PCDH7: variants seen among roughly 807,000 people sequenced by gnomAD.
PCDH7 encodes protocadherin-7.
A neutral mutation model predicts 58.9 loss-of-function variants in PCDH7; 17 were observed. The ratio of observed to expected loss-of-function variants is 0.29; its 90% CI spans 0.20 to 0.43. The LOEUF is 0.43. Among genes scored for constraint, PCDH7 ranks in the 20% least tolerant of loss-of-function variants. The pLI is 1.00. For missense variants in PCDH7, 1,274 were observed against 1,441.0 expected, an observed-to-expected ratio of 0.88 and a Z score of 1.88; for synonymous variants, 664 against 616.4, an observed-to-expected ratio of 1.08 and a Z score of -1.14.
chr4:30,844,374 G>T (rs190149995), intron 1 of PCDH7, among the ~76,000 whole-genome samples: 171 of 152,122 alleles, frequency 1.1e-3, no homozygotes, highest in Non-Finnish European at 1.9e-3. Context: ...TTTTTTTCTT[G>T]TATACTTAGC....
chr4:30,759,894 AC>A, intron 1 of PCDH7, among the ~76,000 whole-genome samples: 1 of 151,856 alleles, frequency 6.6e-6, no homozygotes, highest in Non-Finnish European at 1.5e-5. Flanking sequence ...GTGGCTCAAA[AC>A]CCTAGGGTGA....
At chr4:30,915,595 C>T (rs1578274134) in intron 1 of PCDH7, among the ~76,000 whole-genome samples, 2 of 152,102 alleles carry the variant, frequency 1.3e-5, no homozygotes, top group East Asian at 3.9e-4. Flanking sequence ...GCGATCTCGG[C>T]TCACTGCAAC....
At chr4:30,854,904 A>T (rs1190247159) in intron 1 of PCDH7, among the ~76,000 whole-genome samples, 4 of 152,028 alleles carry the variant, frequency 2.6e-5, no homozygotes, top group Non-Finnish European at 4.4e-5. Flanking sequence ...GAAAAGAAAA[A>T]CTTTTCAGGT....
intron 3 of PCDH7, among the ~76,000 whole-genome samples, chr4:30,991,535 T>C (rs1382558104): frequency 1.3e-5 from 2 of 152,202 alleles, no homozygotes; most frequent in Non-Finnish European, 2.9e-5. Context: ...AATCTTAATT[T>C]ACATTTAAAT....
intron 1 of PCDH7, among the ~76,000 whole-genome samples, chr4:30,859,694 C>T (rs1273294871): frequency 1.3e-5 from 2 of 152,056 alleles, no homozygotes; most frequent in Non-Finnish European, 2.9e-5. Context: ...CCAGCCTCGA[C>T]CCCGCAAAGT....
At chr4:30,770,060 G>A (rs1402785490) in intron 1 of PCDH7, among the ~76,000 whole-genome samples, 1 of 152,188 alleles carries the variant, frequency 6.6e-6, no homozygotes, top group Admixed American at 6.5e-5. Context: ...TAAGAGTGGT[G>A]TACTCGTAAT....
intron 1 of PCDH7, among the ~76,000 whole-genome samples, chr4:30,898,496 C>A (rs1739742873): frequency 6.6e-6 from 1 of 152,202 alleles, no homozygotes; most frequent in Admixed American, 6.5e-5. Flanking sequence ...CACATTATTT[C>A]TAGAGATCAG....
intron 3 of PCDH7, among the ~76,000 whole-genome samples, chr4:31,099,827 C>T (rs994076842): frequency 5.3e-5 from 8 of 152,010 alleles, no homozygotes; most frequent in African/African-American, 1.9e-4. Flanking sequence ...AAAGATTTGA[C>T]GCGTGTCTTC....
intron 1 of PCDH7, among the ~76,000 whole-genome samples, chr4:30,879,769 T>G (rs991814659): frequency 2.6e-5 from 4 of 152,122 alleles, no homozygotes; most frequent in African/African-American, 9.6e-5. Context: ...ATTAGATAAA[T>G]AGAAAATGGA....
intron 3 of PCDH7, among the ~76,000 whole-genome samples, chr4:31,088,147 T>C (rs1712719786): frequency 6.6e-6 from 1 of 152,042 alleles, no homozygotes; most frequent in Admixed American, 6.6e-5. Flanking sequence ...ATGGTACCTT[T>C]TGAATGTGTG....
chr4:30,915,929 C>T (rs1193905417), intron 1 of PCDH7, among the ~76,000 whole-genome samples: 2 of 152,134 alleles, frequency 1.3e-5, no homozygotes, highest in African/African-American at 4.8e-5. Context: ...AGATCTCAAC[C>T]AACAAACCAC....
chr4:31,114,630 CAA>C (rs1188468333), intron 3 of PCDH7, among the ~76,000 whole-genome samples: 1 of 111,282 alleles, frequency 9.0e-6, no homozygotes, highest in Non-Finnish European at 1.8e-5. Context: ...CTCACACATA[CAA>C]ACACACACAC....
chr4:31,013,036 A>G (rs1753311584), intron 3 of PCDH7, among the ~76,000 whole-genome samples: 1 of 150,032 alleles, frequency 6.7e-6, no homozygotes, highest in Non-Finnish European at 1.5e-5. Context: ...AAATGAAATA[A>G]ATTAGCCAGG....
At chr4:30,993,891 G>T (rs1337114670) in intron 3 of PCDH7, among the ~76,000 whole-genome samples, 2 of 151,750 alleles carry the variant, frequency 1.3e-5, no homozygotes, top group Non-Finnish European at 2.9e-5. Flanking sequence ...TGTCTGTGTG[G>T]GTATAAATTC....
chr4:31,118,537 T>TA (rs1717266768), intron 3 of PCDH7, among the ~76,000 whole-genome samples: 1 of 151,822 alleles, frequency 6.6e-6, no homozygotes, highest in East Asian at 1.9e-4. Context: ...CAGTAACTCC[T>TA]AAAAAAGAAA....
chr4:30,932,251 G>A (rs1018792035), intron 2 of PCDH7, among the ~76,000 whole-genome samples: 3 of 152,162 alleles, frequency 2.0e-5, no homozygotes, highest in African/African-American at 7.2e-5. Context: ...TTTGATGTTT[G>A]CATAGCACCA....
chr4:30,783,793 T>C (rs527365521), intron 1 of PCDH7, among the ~76,000 whole-genome samples: 1 of 152,212 alleles, frequency 6.6e-6, no homozygotes, highest in Non-Finnish European at 1.5e-5. Flanking sequence ...ATAGCTTTTA[T>C]ATAAGTGAAC....
chr4:30,792,830 A>G (rs1724306467), intron 1 of PCDH7, among the ~76,000 whole-genome samples: 1 of 152,180 alleles, frequency 6.6e-6, no homozygotes, highest in South Asian at 2.1e-4. Context: ...AGAAGCAGAC[A>G]TTTGGTATGT....
intron 1 of PCDH7, among the ~76,000 whole-genome samples, chr4:30,882,693 G>T (rs1391057122): frequency 6.6e-6 from 1 of 152,116 alleles, no homozygotes; most frequent in Non-Finnish European, 1.5e-5. Flanking sequence ...ATCTTTCATT[G>T]CATGCTTTAC....
Sources: allele counts gnomAD v4.1 joint callset (sites outside exome capture counted in the v4.1 genomes callset), GRCh38; gene constraint gnomAD v4.1.1; transcripts MANE v1.5; gene names NCBI Gene and HGNC (gene_info 2026-07-23, HGNC 2026-07-21).